Variants in IP6K3 observed in about 807,000 individuals in gnomAD.
IP6K3 encodes the protein ATP:1D-myo-inositol-hexakisphosphate phosphotransferase.
Under a neutral mutation model 28.8 loss-of-function variants are expected in IP6K3, and 20 were observed. The ratio of observed to expected loss-of-function variants is 0.70; its 90% CI spans 0.49 to 1.01. The LOEUF is 1.01. IP6K3 is among the 50% of genes least tolerant of loss of function. The pLI is 0.00. For synonymous variants in IP6K3, 213 were observed against 221.3 expected (o/e 0.96, Z 0.33); for missense variants, 480 against 537.1 (o/e 0.89, Z 1.05).
Position 33,722,561 on chromosome 6 carries a change from C to G in IP6K3, c.*159G>C. The G allele has an allele frequency of 8.9e-6, 5 of 564,700 alleles. No individual in the cohort carries two copies. The highest frequency in any genetic ancestry group is 2.4e-5 in the South Asian group (1 of 42,032). 35.0% of individuals were successfully genotyped at this position (564,700 alleles called of 1,614,324 possible). On this transcript the variant is annotated 3_prime_UTR_variant, in exon 6 of 6. Coordinates refer to ENST00000293756, the MANE Select transcript of IP6K3 (RefSeq NM_054111.5). Reference sequence around the variant, plus strand: ...GAATCACCTCCAGAGCTGATTTGTTCAGCAGCTGTTAATATAGTCTGCCAT... The same window carrying G: ...GAATCACCTCCAGAGCTGATTTGTTGAGCAGCTGTTAATATAGTCTGCCAT...
At chr6:33,755,666 C>T in the IP6K3 span, among the ~76,000 whole-genome samples, 1 of 152,222 alleles carries the variant, frequency 6.6e-6, no homozygotes, top group Admixed American at 6.5e-5. Flanking sequence ...TACAGGCTGC[C>T]TGCCACACCC....
Position 33,735,356 on chromosome 6 carries a change from T to C in IP6K3, c.121A>G (p.Lys41Glu). Residue 41 changes from lysine to glutamate, a missense_variant, in exon 2 of 6, where the codon AAG (lysine) becomes GAG (glutamate). By Grantham distance (56) the Lys-to-Glu change is moderately conservative (BLOSUM62 1). Transcript: ENST00000293756. ...CTCTGCTCCCGGGAGACGAGGGGCT[T>C]GCACACCGTATGCTCGTCATACTTC... ...VMKYDEHTVCKPLVSREQRFY... is the reference protein window; with the variant it reads ...VMKYDEHTVCEPLVSREQRFY... 1 of 1,607,074 alleles carries C rather than the reference T, an allele frequency of 6.2e-7. No homozygotes were observed. Among genetic ancestry groups the C allele is most frequent in the Non-Finnish European group, 8.5e-7 (1 of 1,176,498 alleles).
chr6:33,728,579 A>G (rs1391739827), intron 2 of IP6K3, among the ~76,000 whole-genome samples: 1 of 152,082 alleles, frequency 6.6e-6, no homozygotes, highest in Non-Finnish European at 1.5e-5. Context: ...CGCTTTCAAC[A>G]AAGTCAACTC....
chr6:33,734,950 G>A (rs1156950083), intron 2 of IP6K3, among the ~76,000 whole-genome samples: 1 of 152,188 alleles, frequency 6.6e-6, no homozygotes, highest in Non-Finnish European at 1.5e-5. Flanking sequence ...AGCATGAGAT[G>A]GCTGGCTATG....
chr6:33,746,560 C>T lies in IP6K3; in HGVS notation c.-180+198G>A, dbSNP rs1249024495. On this transcript the variant is annotated intron_variant, in intron 1 of 5. Transcript: ENST00000293756. This position sits in a 1 kb window ranked among gnomAD's most constrained non-coding sequence, Gnocchi z 6.5. ...ACTGAACTGTCCCAACGCCCTACCC[C>T]ACCCCCGCCACACACAGATGGACAG... 1 of 152,198 alleles carries T rather than the reference C, an allele frequency of 6.6e-6. No homozygotes were observed. Among genetic ancestry groups the T allele is most frequent in the African/African-American group, 2.4e-5 (1 of 41,404 alleles). The allele number at this position is 152,198 out of a possible 1,614,324, so 9.4% of individuals were successfully genotyped here.
At chr6:33,740,149 T>G (rs932406794) in intron 1 of IP6K3, among the ~76,000 whole-genome samples, 2 of 152,100 alleles carry the variant, frequency 1.3e-5, no homozygotes, top group African/African-American at 2.4e-5. Flanking sequence ...TCCCTACAGC[T>G]CAGACCCCTT....
Position 33,735,664 on chromosome 6 carries a change from C to T in IP6K3, c.-179-9G>A, listed in dbSNP as rs951629306. ...GTTCTCAGCGGGGTCCTCTGGAAAG[C>T]AGGGGAGGAAGGAGGAAGTTATATG... On this transcript the variant is annotated splice_polypyrimidine_tract_variant and intron_variant, in intron 1 of 5. Coordinates refer to ENST00000293756, the MANE Select transcript of IP6K3 (RefSeq NM_054111.5). The T allele has an allele frequency of 3.5e-5, 49 of 1,395,336 alleles. No homozygotes were observed. Among genetic ancestry groups the T allele is most frequent in the Non-Finnish European group, 4.2e-5 (45 of 1,065,082 alleles). 86.4% of individuals were successfully genotyped at this position (1,395,336 alleles called of 1,614,324 possible). A position where few individuals can be genotyped will look rare whatever the true frequency, so the allele number is the denominator to read the frequency against.
the IP6K3 span, among the ~76,000 whole-genome samples, chr6:33,758,453 G>C: frequency 1.3e-5 from 2 of 152,180 alleles, no homozygotes; most frequent in African/African-American, 4.8e-5. Context: ...TTGAGCCCGG[G>C]AGGTTGAGGC....
chr6:33,748,857 T>G (rs62398919), upstream of IP6K3, among the ~76,000 whole-genome samples: 22,673 of 151,422 alleles, frequency 0.15, 2,526 homozygotes, highest in African/African-American at 0.32. Flanking sequence ...TAAAGTGGGG[T>G]GGGGATCCGA....
At position 33,735,235 on chromosome 6, in the gene IP6K3, G is replaced by A. The variant is rs766385243; in HGVS notation, c.199+43C>T. 73 of 1,554,306 alleles carry A rather than the reference G, an allele frequency of 4.7e-5. 1 individual carries two copies. Among genetic ancestry groups the A allele is most frequent in the South Asian group, 4.5e-5 (4 of 88,346 alleles). ...GGGTGCATTGGATGAGCCGGCCCCC[G>A]TGTGGCAGCACCCAGACGTGGCCTG... is the stretch of plus-strand genomic sequence containing the variant. On this transcript the variant is annotated intron_variant, in intron 2 of 5. Coordinates refer to ENST00000293756, the MANE Select transcript of IP6K3 (RefSeq NM_054111.5).
chr6:33,740,661 C>T (rs1170897541), intron 1 of IP6K3, among the ~76,000 whole-genome samples: 2 of 152,246 alleles, frequency 1.3e-5, no homozygotes, highest in Non-Finnish European at 2.9e-5. Context: ...AGATGCCACC[C>T]ATCAAGCCGA....
intron 1 of IP6K3, among the ~76,000 whole-genome samples, chr6:33,736,406 A>C (rs1052506596): frequency 4.0e-5 from 6 of 150,976 alleles, no homozygotes; most frequent in African/African-American, 1.5e-4. Flanking sequence ...TGCTTGCTTT[A>C]TTTATTTATT....
chr6:33,740,220 G>A (rs1361329250), intron 1 of IP6K3, among the ~76,000 whole-genome samples: 1 of 152,196 alleles, frequency 6.6e-6, no homozygotes, highest in Non-Finnish European at 1.5e-5. Context: ...ATAAAGCAGG[G>A]AAGAGGGTGA....
chr6:33,760,747 C>A, the IP6K3 span, among the ~76,000 whole-genome samples: 1 of 152,152 alleles, frequency 6.6e-6, no homozygotes, highest in African/African-American at 2.4e-5. Flanking sequence ...AGGATGGTCT[C>A]GATCTCTTAA....
chr6:33,755,116 T>C, the IP6K3 span, among the ~76,000 whole-genome samples: 16 of 152,222 alleles, frequency 1.1e-4, no homozygotes, highest in Admixed American at 1.0e-3. Flanking sequence ...TCTTGAGCCC[T>C]GAGGACCCTT....
At chr6:33,733,695 G>A (rs899513032) in intron 2 of IP6K3, among the ~76,000 whole-genome samples, 1 of 152,260 alleles carries the variant, frequency 6.6e-6, no homozygotes, top group African/African-American at 2.4e-5. Flanking sequence ...TGCGGGCCGG[G>A]AAGACCCCAG....
chr6:33,726,983 C>G (rs1169999491), intron 3 of IP6K3, 77 bp from the exon 4 acceptor site: 5 of 1,418,090 alleles, frequency 3.5e-6, no homozygotes, highest in Non-Finnish European at 3.8e-6. Context: ...TGACTGGGCT[C>G]TCTGAGATGG....
At chr6:33,752,447 C>T in the IP6K3 span, among the ~76,000 whole-genome samples, 1 of 152,244 alleles carries the variant, frequency 6.6e-6, no homozygotes. Flanking sequence ...CATGCCTGAG[C>T]CTGCCACTCT....
At chr6:33,750,338 A>C (rs895385581), upstream of IP6K3, among the ~76,000 whole-genome samples, 4 of 152,164 alleles carry the variant, frequency 2.6e-5, no homozygotes, top group Non-Finnish European at 5.9e-5. This position sits in a 1 kb window ranked among gnomAD's most constrained non-coding sequence, Gnocchi z 4.3. Flanking sequence ...CTCCATCCTT[A>C]GAATAAAGTC....
Sources: allele counts gnomAD v4.1 joint callset (sites outside exome capture counted in the v4.1 genomes callset), GRCh38; gene constraint gnomAD v4.1.1; non-coding constraint Gnocchi (gnomAD v3.1); transcripts MANE v1.5; gene names NCBI Gene and HGNC (gene_info 2026-07-23, HGNC 2026-07-21).